COL4A3: variants seen among roughly 807,000 people sequenced by gnomAD.
The protein encoded by COL4A3 is collagen type IV alpha 3 chain.
COL4A3 carries 135 observed loss-of-function variants against 217.4 expected under a neutral mutation model. The ratio of observed to expected loss-of-function variants is 0.62; its 90% CI spans 0.54 to 0.72. COL4A3 has a LOEUF of 0.72. Ranked by LOEUF, COL4A3 falls within the 30% of genes least tolerant of loss-of-function variation. The pLI is 0.00. For missense variants in COL4A3, 1,868 were observed against 2,119.9 expected (o/e 0.88, Z 2.33); for synonymous variants, 690 against 736.3 (o/e 0.94, Z 1.02).
At chr2:227,271,199 C>T (rs1002748945) in intron 25 of COL4A3, among the ~76,000 whole-genome samples, 3 of 152,168 alleles carry the variant, frequency 2.0e-5, no homozygotes, top group Middle Eastern at 3.4e-3. Context: ...CCATCTCATA[C>T]ACAAATTACA....
At chr2:227,208,783 CACACACA>C (rs1303511092) in intron 1 of COL4A3, among the ~76,000 whole-genome samples, 1 of 146,206 alleles carries the variant, frequency 6.8e-6, no homozygotes, top group African/African-American at 2.5e-5. Context: ...CACACACACA[CACACACA>C]CACACACACA....
intron 18 of COL4A3, 108 bp from the exon 19 acceptor site, chr2:227,259,685 A>C (rs2070419017): frequency 3.7e-6 from 3 of 812,790 alleles, no homozygotes; most frequent in Non-Finnish European, 6.4e-6. Context: ...ATTCAGGAAA[A>C]TAAGGAAGCC....
intron 20 of COL4A3, among the ~76,000 whole-genome samples, chr2:227,261,550 G>T (rs1211845739): frequency 6.6e-6 from 1 of 152,170 alleles, no homozygotes; most frequent in East Asian, 1.9e-4. Flanking sequence ...AGTGTTCTCA[G>T]CTTCTTAAAT....
chr2:227,226,978 A>C (rs2068130606), intron 1 of COL4A3, among the ~76,000 whole-genome samples: 1 of 152,236 alleles, frequency 6.6e-6, no homozygotes, highest in Non-Finnish European at 1.5e-5. Context: ...GTATTGATGA[A>C]ATGCAAACTT....
rs200884685 is a variant in COL4A3 at position 227,297,715 on chromosome 2, C to T, written c.3607C>T (p.Pro1203Ser). 11 of 1,608,658 alleles carry T rather than the reference C, an allele frequency of 6.8e-6. No homozygotes were observed. The Admixed American group carries it at 1.2e-4, about 17-fold the overall frequency. Residue 1203 changes from proline to serine, a missense_variant, in exon 42 of 52, where the codon CCG becomes TCG. This residue lies in a region of COL4A3 where 1,503 missense variants were observed against 1,786.1 expected (regional missense o/e 0.84). Coordinates refer to ENST00000396578, the MANE Select transcript of COL4A3 (RefSeq NM_000091.5). The stretch of plus-strand genomic sequence containing the variant: ...GGGAGCCCCAGGTTTTCCTGGCCTC[C>T]CGGGCAGAAAAGGGGCCATGGGAGA... Reference protein sequence around the residue: ...DRGAPGFPGLPGRKGAMGDAG... With the variant: ...DRGAPGFPGLSGRKGAMGDAG...
rs77641809 is a variant in COL4A3 at position 227,266,393 on chromosome 2, G to A, written c.1316-24G>A. Reference sequence around the variant, plus strand: ...TTGAAAAAAACACAAATAAAAAATTGTCTTTGGTGCTGTATTTTTATAGGT... The same window carrying A: ...TTGAAAAAAACACAAATAAAAAATTATCTTTGGTGCTGTATTTTTATAGGT... On this transcript the variant is annotated intron_variant, in intron 21 of 51. Transcript: ENST00000396578. 2,154 of 1,566,674 alleles carry A rather than the reference G, an allele frequency of 1.4e-3. 22 individuals carry two copies. The highest frequency in any genetic ancestry group is 0.013 in the East Asian group (579 of 44,584).
At position 227,280,608 on chromosome 2, in the gene COL4A3, A is replaced by T. The variant is rs753433132; in HGVS notation, c.2374+18A>T. 6.2e-7 allele frequency: 1 copy of T among 1,613,790 alleles called. No homozygotes were observed. Among genetic ancestry groups the T allele is most frequent in the South Asian group, 1.1e-5 (1 of 91,032 alleles). On this transcript the variant is annotated intron_variant, in intron 30 of 51. Coordinates refer to ENST00000396578, the MANE Select transcript of COL4A3 (RefSeq NM_000091.5). Reference sequence around the variant, plus strand: ...ACCACGAGGTACAATAGCAAGTGTCATTACTTTTCTCCACTGTGAGCTCTG... The same window carrying T: ...ACCACGAGGTACAATAGCAAGTGTCTTTACTTTTCTCCACTGTGAGCTCTG...
chr2:227,263,815 T>C lies in COL4A3; in HGVS notation c.1186T>C (p.Trp396Arg). ...GCCTGGCCTCAGAGGAGCCCCTGGA[T>C]GGCCAGGCCTGAAAGGAAGTAAAGG... ...SRPGLRGAPG[W>R]PGLKGSKGER... The change falls in exon 21 of 52, where the codon TGG becomes CGG. Residue 396 changes from tryptophan to arginine, a missense_variant. This residue lies in a region of COL4A3 where 1,503 missense variants were observed against 1,786.1 expected (regional missense o/e 0.84). Coordinates refer to ENST00000396578, the MANE Select transcript of COL4A3 (RefSeq NM_000091.5). The C allele has an allele frequency of 6.2e-7, 1 of 1,614,026 alleles. No individual in the cohort carries two copies. The highest frequency in any genetic ancestry group is 8.5e-7 in the Non-Finnish European group (1 of 1,179,918).
rs373490751 is a variant in COL4A3 at position 227,304,948 on chromosome 2, T to C, written c.4154-37T>C. 7.5e-5 allele frequency: 116 copies of C among 1,550,884 alleles called. No homozygotes were observed. In the African/African-American group the frequency reaches 1.4e-3, roughly 19 times the overall value. ...GTTGGCCACCTTACTTTTCATCCTA[T>C]ATGATAAAATGCAATACAATGTTGG... On this transcript the variant is annotated intron_variant, in intron 46 of 51. Transcript: ENST00000396578.
rs2072052696 is a variant in COL4A3, at chr2:227,282,557, T to C, written c.2656+25T>C. ...GGTATCCTTTTGTGTGTTTCTATTT[T>C]TCTTCTTATTTCTTCTTCTTCTTAA... On this transcript the variant is annotated intron_variant, in intron 32 of 51. Coordinates refer to ENST00000396578, the MANE Select transcript of COL4A3 (RefSeq NM_000091.5). The surrounding 1 kb of genome is among the most constrained non-coding windows in gnomAD (Gnocchi z 4.4). The C allele has an allele frequency of 6.2e-7, 1 of 1,601,124 alleles. No homozygotes were observed. Among genetic ancestry groups the C allele is most frequent in the Non-Finnish European group, 8.6e-7 (1 of 1,169,236 alleles).
intron 39 of COL4A3, 141 bp downstream of exon 39, chr2:227,294,711 G>T (rs1371606814): frequency 4.1e-6 from 3 of 726,404 alleles, no homozygotes; most frequent in African/African-American, 3.6e-5. Flanking sequence ...AAAAAAAATG[G>T]GGTTAGATAT....
chr2:227,292,770 T>C (rs2072821473), intron 37 of COL4A3, among the ~76,000 whole-genome samples: 1 of 152,202 alleles, frequency 6.6e-6, no homozygotes, highest in Admixed American at 6.5e-5. Context: ...ATTTGTGTGA[T>C]TATTTAATAT....
intron 25 of COL4A3, 56 bp from the exon 26 acceptor site, chr2:227,272,893 T>G (rs2071325301): frequency 1.3e-6 from 2 of 1,552,436 alleles, no homozygotes; most frequent in Non-Finnish European, 1.8e-6. Context: ...ATGATTAACC[T>G]GTTGTAAGAA....
Position 227,250,789 on chromosome 2 carries a change from G to A in COL4A3, c.547-351G>A, listed in dbSNP as rs932722510. Among the ~76,000 whole-genome samples the A allele has an allele frequency of 2.6e-5, 4 of 152,154 alleles. No homozygotes were observed. Among genetic ancestry groups the A allele is most frequent in the Admixed American group, 6.5e-5 (1 of 15,272 alleles). On this transcript the variant is annotated intron_variant, in intron 9 of 51. Transcript: ENST00000396578. This position sits in a 1 kb window ranked among gnomAD's most constrained non-coding sequence, Gnocchi z 4.1. Reference sequence around the variant, plus strand: ...CTGGGAAAAGGGGATTCTAGGCAGAGGGAGAGCAGGTGGCAGGCCCTAACG... The same window carrying A: ...CTGGGAAAAGGGGATTCTAGGCAGAAGGAGAGCAGGTGGCAGGCCCTAACG...
chr2:227,208,850 A>T (rs113012853), intron 1 of COL4A3, among the ~76,000 whole-genome samples: 141 of 147,550 alleles, frequency 9.6e-4, no homozygotes, highest in African/African-American at 3.4e-3. Flanking sequence ...AAAGAGGAGC[A>T]AAAAACAAAG....
chr2:227,270,713 T>A (rs1162079042), intron 24 of COL4A3, 57 bp from the exon 25 acceptor site: 1 of 1,564,856 alleles, frequency 6.4e-7, no homozygotes, highest in Non-Finnish European at 8.8e-7. Context: ...TTTTTAAGAT[T>A]GACAGAAGAA....
At chr2:227,228,929 CA>C (rs1196491069) in intron 1 of COL4A3, among the ~76,000 whole-genome samples, 2 of 152,178 alleles carry the variant, frequency 1.3e-5, no homozygotes, top group Admixed American at 1.3e-4. Context: ...CCTACAGTAA[CA>C]GCCCTCAGTG....
chr2:227,290,482 A>G (rs1246432734), intron 36 of COL4A3, among the ~76,000 whole-genome samples: 1 of 152,354 alleles, frequency 6.6e-6, no homozygotes, highest in African/African-American at 2.4e-5. Flanking sequence ...CATGGGCGAC[A>G]GAGTGAGACT....
intron 1 of COL4A3, among the ~76,000 whole-genome samples, chr2:227,166,986 T>C (rs182986052): frequency 4.4e-4 from 67 of 152,278 alleles, no homozygotes; most frequent in African/African-American, 1.6e-3. Context: ...CAGAACCTAG[T>C]TGTTAGCATG....
Sources: gnomAD v4.1 joint callset for allele counts (sites outside exome capture counted in the v4.1 genomes callset) on GRCh38, gnomAD v4.1.1 for gene constraint, gnomAD v4.1.1 regional missense constraint, Gnocchi (gnomAD v3.1) non-coding constraint, MANE v1.5 for transcripts, NCBI Gene and HGNC (gene_info 2026-07-23, HGNC 2026-07-21) for gene names.